NHSL1: variants seen among roughly 807,000 people sequenced by gnomAD.
NHSL1 encodes the protein NHS-like protein 1.
NHSL1 carries 48 observed loss-of-function variants against 95.0 expected under a neutral mutation model. That is an observed-to-expected ratio of 0.51 (90% CI 0.40 to 0.64). The LOEUF (loss-of-function observed/expected upper bound fraction) is 0.64. NHSL1 is among the 30% of genes least tolerant of loss of function. The pLI, the probability that NHSL1 is intolerant of heterozygous loss-of-function variation, is 0.00. For synonymous variants in NHSL1, 783 were observed against 833.9 expected, an observed-to-expected ratio of 0.94 and a Z score of 1.05; for missense variants, 1,971 against 2,077.7, an observed-to-expected ratio of 0.95 and a Z score of 1.00.
intron 1 of NHSL1, among the ~76,000 whole-genome samples, chr6:138,601,046 C>T (rs1784363743): frequency 6.6e-6 from 1 of 152,118 alleles, no homozygotes; most frequent in Non-Finnish European, 1.5e-5. Flanking sequence ...AAATGTATGT[C>T]CCTTCATTTA....
intron 1 of NHSL1, among the ~76,000 whole-genome samples, chr6:138,625,641 TAAAAA>T (rs57534545): frequency 0.25 from 34,274 of 138,768 alleles, 4,114 homozygotes; most frequent in South Asian, 0.34. Flanking sequence ...CTTTTTTAAT[TAAAAA>T]AAAAAAAAAA....
intron 1 of NHSL1, among the ~76,000 whole-genome samples, chr6:138,680,754 C>A (rs1785502242): frequency 6.6e-6 from 1 of 152,066 alleles, no homozygotes; most frequent in South Asian, 2.1e-4. Context: ...TCAGCTGGGA[C>A]CACAGGCGCG....
chr6:138,564,003 G>A (rs111441863), intron 1 of NHSL1, among the ~76,000 whole-genome samples: 6 of 152,116 alleles, frequency 3.9e-5, no homozygotes, highest in East Asian at 1.9e-4. Context: ...GCTTGGCATC[G>A]TTAATTCCAT....
At chr6:138,496,536 C>T (rs550504994) in intron 1 of NHSL1, among the ~76,000 whole-genome samples, 165 bp from the exon 2 acceptor site, 1 of 152,294 alleles carries the variant, frequency 6.6e-6, no homozygotes, top group Non-Finnish European at 1.5e-5. Context: ...AGGGGTCTCG[C>T]CCACAGTGTT....
intron 1 of NHSL1, among the ~76,000 whole-genome samples, chr6:138,570,869 A>T (rs1207288798): frequency 6.6e-6 from 1 of 152,254 alleles, no homozygotes; most frequent in Non-Finnish European, 1.5e-5. Context: ...ATACTTAAAT[A>T]GCACTCCCCT....
intron 1 of NHSL1, among the ~76,000 whole-genome samples, chr6:138,644,516 A>G (rs1432332475): frequency 3.9e-5 from 6 of 152,246 alleles, no homozygotes; most frequent in Non-Finnish European, 7.3e-5. Flanking sequence ...AACAAAAAAA[A>G]GCAATTTCTT....
intron 4 of NHSL1, among the ~76,000 whole-genome samples, chr6:138,443,355 G>C (rs923940333): frequency 2.0e-5 from 3 of 152,176 alleles, no homozygotes; most frequent in Non-Finnish European, 4.4e-5. Context: ...AAATGACTGA[G>C]AGAAGACCCT....
upstream of NHSL1, among the ~76,000 whole-genome samples, chr6:138,547,333 A>G (rs1782838532): frequency 2.0e-5 from 3 of 151,908 alleles, no homozygotes; most frequent in Non-Finnish European, 2.9e-5. Flanking sequence ...TAGGATTAAA[A>G]AAAAAAAAAA....
At chr6:138,482,466 A>T (rs1204212781) in intron 2 of NHSL1, among the ~76,000 whole-genome samples, 1 of 144,100 alleles carries the variant, frequency 6.9e-6, no homozygotes, top group Non-Finnish European at 1.5e-5. Context: ...AAAAAAAAAA[A>T]GGAGGATGAA....
intron 1 of NHSL1, among the ~76,000 whole-genome samples, chr6:138,555,646 T>TC (rs1203755877): frequency 6.6e-6 from 1 of 152,258 alleles, no homozygotes; most frequent in Non-Finnish European, 1.5e-5. Flanking sequence ...TTTTCAGGAC[T>TC]GGCGTTCTTC....
rs139358331 is a variant in NHSL1, at chr6:138,499,039, C to T, written c.58+194G>A. ...ACAAAAGTCTGAGGTATTTAAACAACCTGGTATAGAGTAGAGTTTAACTCA... is the reference window on the plus strand; with the variant it reads ...ACAAAAGTCTGAGGTATTTAAACAATCTGGTATAGAGTAGAGTTTAACTCA... On this transcript the variant is annotated intron_variant, in intron 1 of 7. Coordinates refer to ENST00000343505, the MANE Select transcript of NHSL1 (RefSeq NM_001144060.2). Among the ~76,000 whole-genome samples the T allele has an allele frequency of 7.0e-3, 1,071 of 152,086 alleles. 14 individuals are homozygous for T. Among genetic ancestry groups the T allele is most frequent in the Non-Finnish European group, 7.2e-3 (492 of 67,996 alleles).
rs1324589928 is a variant in NHSL1 at position 138,431,802 on chromosome 6, G to A, written c.2543C>T (p.Pro848Leu). 6.4e-7 allele frequency: 1 copy of A among 1,551,716 alleles called. No individual in the cohort carries two copies. Among genetic ancestry groups the A allele is most frequent in the Non-Finnish European group, 8.7e-7 (1 of 1,146,984 alleles). ...CGACTGGCTGGAATACCCACTGGAT[G>A]GAGAAATGACTCTGTGTGACTTCTC... ...SPEKSHRVIS[P>L]SSGYSSQSNT... is the part of the protein sequence containing the mutation. Residue 848 changes from proline to leucine, a missense_variant, in exon 6 of 8, where the codon CCA (proline) becomes CTA (leucine). Physicochemically the swap from Pro to Leu is moderately conservative, Grantham distance 98 (BLOSUM62 -3). Around this residue, in one of 3 missense-constraint regions of NHSL1, gnomAD observed 1,602 missense variants for 1,654.5 expected, o/e 0.97. Coordinates refer to ENST00000343505, the MANE Select transcript of NHSL1 (RefSeq NM_001144060.2). This position sits in a 1 kb window ranked among gnomAD's most constrained non-coding sequence, Gnocchi z 4.0.
chr6:138,444,437 T>C (rs1386825087), intron 4 of NHSL1, among the ~76,000 whole-genome samples: 1 of 152,144 alleles, frequency 6.6e-6, no homozygotes, highest in African/African-American at 2.4e-5. Flanking sequence ...TATTAAGTAT[T>C]TTTTCCTCCA....
upstream of NHSL1, among the ~76,000 whole-genome samples, chr6:138,504,187 A>C (rs572874989): frequency 2.6e-5 from 4 of 152,182 alleles, no homozygotes; most frequent in East Asian, 5.8e-4. Flanking sequence ...GTGAGCTATG[A>C]TCATACCACT....
chr6:138,682,630 A>T (rs926548244), intron 1 of NHSL1, among the ~76,000 whole-genome samples: 5 of 127,888 alleles, frequency 3.9e-5, no homozygotes, highest in South Asian at 3.3e-4. Flanking sequence ...CTCAAAATAC[A>T]GTTCAGGAAT....
upstream of NHSL1, among the ~76,000 whole-genome samples, chr6:138,503,114 G>A (rs1780774490): frequency 6.6e-6 from 1 of 152,070 alleles, no homozygotes; most frequent in Non-Finnish European, 1.5e-5. Flanking sequence ...AAAATTCTCA[G>A]TGGTCATCGG....
chr6:138,664,888 T>A (rs1019856196), intron 1 of NHSL1, among the ~76,000 whole-genome samples: 8 of 152,108 alleles, frequency 5.3e-5, no homozygotes, highest in Admixed American at 4.6e-4. Flanking sequence ...GGGGTCAGGG[T>A]GTGGGGAAAC....
intron 1 of NHSL1, among the ~76,000 whole-genome samples, chr6:138,542,319 C>T (rs549011116): frequency 2.6e-5 from 4 of 152,216 alleles, no homozygotes; most frequent in Non-Finnish European, 4.4e-5. Context: ...TTTCAGACTT[C>T]TAGCCTCTAG....
intron 1 of NHSL1, among the ~76,000 whole-genome samples, chr6:138,678,436 A>C (rs943772700): frequency 2.6e-5 from 4 of 152,106 alleles, no homozygotes; most frequent in Admixed American, 1.3e-4. Context: ...ACATTAATTC[A>C]CCTCCCTGAG....
Sources: allele counts gnomAD v4.1 joint callset (sites outside exome capture counted in the v4.1 genomes callset), GRCh38; gene constraint gnomAD v4.1.1; regional missense constraint gnomAD v4.1.1; non-coding constraint Gnocchi (gnomAD v3.1); transcripts MANE v1.5; gene names NCBI Gene and HGNC (gene_info 2026-07-23, HGNC 2026-07-21).